Variants in AVEN observed in about 807,000 individuals in gnomAD.
The protein encoded by AVEN is cell death regulator Aven.
In AVEN, 41 loss-of-function variants were observed where a neutral mutation model predicts 38.1. The observed-to-expected ratio is 1.08, with a 90% confidence interval of 0.84 to 1.40. The LOEUF (loss-of-function observed/expected upper bound fraction) is 1.40, where lower values mean the gene tolerates loss of function less well. AVEN is among the 40% of genes most tolerant of loss of function. AVEN has a pLI of 0.00. For missense variants in AVEN, 605 were observed against 438.8 expected, an observed-to-expected ratio of 1.38 and a Z score of -3.38; for synonymous variants, 206 against 171.8, an observed-to-expected ratio of 1.20 and a Z score of -1.56.
chr15:34,030,192 T>A (rs1157696252), intron 1 of AVEN, among the ~76,000 whole-genome samples: 1 of 152,134 alleles, frequency 6.6e-6, no homozygotes, highest in Non-Finnish European at 1.5e-5. Context: ...AGGCAGAGGT[T>A]GCAGGGAGCT....
exon 1 of AVEN, among the ~76,000 whole-genome samples, chr15:34,074,712 T>A (rs996412090): frequency 6.6e-6 from 1 of 152,182 alleles, no homozygotes; most frequent in Non-Finnish European, 1.5e-5. Context: ...CTTTATTACC[T>A]CCTAAAGACC....
At chr15:34,024,958 G>A (rs910350336) in intron 1 of AVEN, among the ~76,000 whole-genome samples, 11 of 152,082 alleles carry the variant, frequency 7.2e-5, no homozygotes, top group Admixed American at 4.6e-4. Context: ...CAAGGCAGGT[G>A]GATTACCTGA....
intron 2 of AVEN, among the ~76,000 whole-genome samples, chr15:33,892,279 T>C (rs1892012602): frequency 6.6e-6 from 1 of 152,258 alleles, no homozygotes. Flanking sequence ...GCTTTTGGCA[T>C]TTTAGCCATG....
At chr15:33,937,217 G>A (rs1023705764) in intron 2 of AVEN, among the ~76,000 whole-genome samples, 4 of 149,944 alleles carry the variant, frequency 2.7e-5, no homozygotes, top group Admixed American at 2.0e-4. Context: ...TTAGATGCTG[G>A]GGCAACTGTT....
chr15:34,020,228 G>A (rs1022041063), intron 1 of AVEN, among the ~76,000 whole-genome samples: 3 of 151,888 alleles, frequency 2.0e-5, no homozygotes, highest in Non-Finnish European at 2.9e-5. Flanking sequence ...GGAGAATGGC[G>A]TGAACCAGGG....
chr15:33,987,568 C>T (rs920541540), intron 2 of AVEN, among the ~76,000 whole-genome samples: 1 of 152,188 alleles, frequency 6.6e-6, no homozygotes, highest in Non-Finnish European at 1.5e-5. Flanking sequence ...CTCAGGCCAG[C>T]GAACAATGGT....
chr15:33,905,298 G>C (rs74244060), intron 2 of AVEN, among the ~76,000 whole-genome samples: 4 of 152,170 alleles, frequency 2.6e-5, no homozygotes, highest in South Asian at 4.2e-4. Flanking sequence ...TGAAACCTTG[G>C]AGAAGTTTCT....
intron 2 of AVEN, among the ~76,000 whole-genome samples, chr15:33,964,910 G>A (rs918991850): frequency 1.3e-5 from 2 of 152,148 alleles, no homozygotes; most frequent in African/African-American, 4.8e-5. Context: ...TCACGCTTAA[G>A]TTGAATGATG....
At chr15:33,924,316 G>A (rs554734353) in intron 2 of AVEN, among the ~76,000 whole-genome samples, 41 of 150,862 alleles carry the variant, frequency 2.7e-4, no homozygotes, top group Non-Finnish European at 5.9e-4. Context: ...GTTGCAGTGA[G>A]CCGAGATCAT....
intron 2 of AVEN, among the ~76,000 whole-genome samples, chr15:33,997,540 C>T (rs1896985202): frequency 6.6e-6 from 1 of 152,128 alleles, no homozygotes; most frequent in South Asian, 2.1e-4. Context: ...CCCCCTGCCC[C>T]ACCAAATCTC....
intron 5 of AVEN, among the ~76,000 whole-genome samples, chr15:34,049,691 A>G (rs1012500402): frequency 6.6e-6 from 1 of 152,146 alleles, no homozygotes; most frequent in African/African-American, 2.4e-5. Flanking sequence ...GAACCCCAGT[A>G]AGATACTCCA....
At chr15:33,903,712 G>GGT (rs1345109035) in intron 2 of AVEN, among the ~76,000 whole-genome samples, 1 of 151,786 alleles carries the variant, frequency 6.6e-6, no homozygotes, top group Non-Finnish European at 1.5e-5. Context: ...TAGAAAACAT[G>GGT]GTATATATAA....
downstream of AVEN, among the ~76,000 whole-genome samples, chr15:33,857,349 A>AGCCTCTCTCTCTGTGTCTC (rs2079795133): frequency 6.6e-6 from 1 of 151,778 alleles, no homozygotes. Flanking sequence ...GCCTGTGTCT[A>AGCCTCTCTCTCTGTGTCTC]GCCTCTCTCT....
chr15:34,051,346 TAA>T (rs1346877092), intron 5 of AVEN, among the ~76,000 whole-genome samples: 1 of 152,144 alleles, frequency 6.6e-6, no homozygotes, highest in Non-Finnish European at 1.5e-5. Context: ...AAAGCAGTGT[TAA>T]GAGGGAAATT....
chr15:33,864,256 C>T, downstream of AVEN: 1 of 1,243,002 alleles, frequency 8.0e-7, no homozygotes, highest in Non-Finnish European at 1.1e-6. Context: ...CTTAGTAGGG[C>T]ATAGGTTATC....
intron 2 of AVEN, among the ~76,000 whole-genome samples, chr15:33,969,379 T>A (rs907075838): frequency 6.6e-6 from 1 of 152,052 alleles, no homozygotes; most frequent in Non-Finnish European, 1.5e-5. Context: ...ATTTGTCTCA[T>A]CTTTGTCTTT....
At chr15:34,074,908 G>A (rs991862789) in exon 1 of AVEN, among the ~76,000 whole-genome samples, 1 of 152,144 alleles carries the variant, frequency 6.6e-6, no homozygotes, top group Non-Finnish European at 1.5e-5. Flanking sequence ...ACCAGGTGCG[G>A]TGGCTCACAC....
At chr15:33,979,427 T>C (rs1313728965) in intron 2 of AVEN, among the ~76,000 whole-genome samples, 1 of 152,112 alleles carries the variant, frequency 6.6e-6, no homozygotes, top group Non-Finnish European at 1.5e-5. Flanking sequence ...AAGGATCACA[T>C]GAGCCCAGGA....
chr15:33,969,433 G>A (rs1318185523), intron 2 of AVEN, among the ~76,000 whole-genome samples: 1 of 151,050 alleles, frequency 6.6e-6, no homozygotes, highest in African/African-American at 2.4e-5. Flanking sequence ...TGAAAAAAAT[G>A]CATGAAGAGA....
Sources: allele counts gnomAD v4.1 joint callset (sites outside exome capture counted in the v4.1 genomes callset), GRCh38; gene constraint gnomAD v4.1.1; transcripts MANE v1.5; gene names NCBI Gene and HGNC (gene_info 2026-07-23, HGNC 2026-07-21).